MYL4: variants seen among roughly 807,000 people sequenced by gnomAD.
The protein encoded by MYL4 is myosin light chain 4.
A neutral mutation model predicts 21.6 loss-of-function variants in MYL4; 16 were observed. The observed-to-expected ratio is 0.74, with a 90% confidence interval of 0.50 to 1.12. MYL4 has a LOEUF of 1.12. Ranked by LOEUF, MYL4 falls within the 50% of genes most tolerant of loss-of-function variation. The probability of loss-of-function intolerance (pLI) is 0.00; values close to 1 mark genes in which losing one functional copy is unlikely to be tolerated. For synonymous variants in MYL4, 82 were observed against 95.7 expected (o/e 0.86, Z 0.83); for missense variants, 249 against 252.9 (o/e 0.98, Z 0.11).
chr17:47,196,857 A>G (rs1009845724), upstream of MYL4, among the ~76,000 whole-genome samples: 30 of 152,104 alleles, frequency 2.0e-4, no homozygotes, highest in African/African-American at 7.2e-4. Flanking sequence ...TGCCCTGCAC[A>G]AATATTATAA....
At position 47,221,811 on chromosome 17, in the gene MYL4, G is replaced by T; in HGVS notation, c.443G>T (p.Gly148Val). ...CGTGTCTTTGACAAGGAGAGCAATG[G>T]CACGGTCATGGGTGCTGAGCTTCGG... Reference protein sequence around the residue: ...GLRVFDKESNGTVMGAELRHV... With the variant: ...GLRVFDKESNVTVMGAELRHV... The change falls in exon 4 of 7, where the codon GGC becomes GTC. Residue 148 changes from glycine to valine, a missense_variant. Transcript: ENST00000393450. The T allele has an allele frequency of 6.2e-7, 1 of 1,614,150 alleles. No individual in the cohort carries two copies.
chr17:47,222,193 C>T lies in MYL4; in HGVS notation c.488-187C>T, dbSNP rs745558663. 12 of 633,244 alleles carry T rather than the reference C, an allele frequency of 1.9e-5. No individual in the cohort carries two copies. The Admixed American group carries it at 1.9e-4, about 10-fold the overall frequency. The allele number at this position is 633,244 out of a possible 1,614,324, so 39.2% of individuals were successfully genotyped here. The stretch of plus-strand genomic sequence containing the variant: ...AGCTGTAAGGCAGAGGGGGAGGCTT[C>T]GGAGACTAGGCAAGACCTTTAGACC... On this transcript the variant is annotated intron_variant, in intron 4 of 6. Coordinates refer to ENST00000393450, the MANE Select transcript of MYL4 (RefSeq NM_002476.2).
chr17:47,226,006 A>G (rs1467282834), downstream of MYL4, among the ~76,000 whole-genome samples: 1 of 152,058 alleles, frequency 6.6e-6, no homozygotes, highest in African/African-American at 2.4e-5. Context: ...CCTGATAGGT[A>G]GTTTTTTGAT....
upstream of MYL4, among the ~76,000 whole-genome samples, chr17:47,199,139 G>T (rs2064700190): frequency 6.6e-6 from 1 of 151,784 alleles, no homozygotes; most frequent in African/African-American, 2.4e-5. Context: ...TACTTGGGAG[G>T]CTGAGGCAGG....
chr17:47,211,335 G>A (rs1344200389), intron 1 of MYL4, among the ~76,000 whole-genome samples: 3 of 151,900 alleles, frequency 2.0e-5, no homozygotes, highest in Non-Finnish European at 4.4e-5. Flanking sequence ...GTAATTTGAG[G>A]CCAGGCATTT....
chr17:47,191,208 G>T, the MYL4 span, among the ~76,000 whole-genome samples: 1 of 152,332 alleles, frequency 6.6e-6, no homozygotes, highest in Admixed American at 6.5e-5. Flanking sequence ...CTTCTTAATG[G>T]GAAGAGTGGC....
intron 1 of MYL4, among the ~76,000 whole-genome samples, chr17:47,211,023 G>A (rs1166984961): frequency 6.6e-6 from 1 of 151,996 alleles, no homozygotes; most frequent in African/African-American, 2.4e-5. Context: ...GCATCAAACT[G>A]GTGTCCTTCC....
At chr17:47,198,977 G>C, upstream of MYL4, among the ~76,000 whole-genome samples, 1 of 151,840 alleles carries the variant, frequency 6.6e-6, no homozygotes, top group Non-Finnish European at 1.5e-5. Flanking sequence ...GCTCTCACCT[G>C]TAATCCCAGC....
chr17:47,189,895 A>G, the MYL4 span, among the ~76,000 whole-genome samples: 1 of 152,324 alleles, frequency 6.6e-6, no homozygotes, highest in East Asian at 1.9e-4. Context: ...AGAGAACGCT[A>G]TATTATATGG....
At chr17:47,200,998 C>CCTGTCTCTA (rs1277156607) in intron 1 of MYL4, among the ~76,000 whole-genome samples, 1 of 152,092 alleles carries the variant, frequency 6.6e-6, no homozygotes, top group East Asian at 1.9e-4. Flanking sequence ...ATGGTGAAAC[C>CCTGTCTCTA]CTGTCTCTAC....
At chr17:47,218,956 A>C (rs2064834611) in intron 2 of MYL4, among the ~76,000 whole-genome samples, 1 of 152,170 alleles carries the variant, frequency 6.6e-6, no homozygotes, top group Non-Finnish European at 1.5e-5. Flanking sequence ...AGAACTAGGA[A>C]ACAGCTGTAA....
chr17:47,218,134 T>C (rs924290403), intron 2 of MYL4, among the ~76,000 whole-genome samples: 22 of 152,190 alleles, frequency 1.4e-4, no homozygotes, highest in Non-Finnish European at 1.5e-4. Flanking sequence ...AATATTTATT[T>C]GTCCAAAGTC....
At chr17:47,214,598 A>G (rs2064800553) in intron 2 of MYL4, among the ~76,000 whole-genome samples, 1 of 152,260 alleles carries the variant, frequency 6.6e-6, no homozygotes. Context: ...ACATGGTAAA[A>G]CAAAAAAGCA....
At chr17:47,210,451 C>G (rs989699257) in intron 1 of MYL4, among the ~76,000 whole-genome samples, 3 of 152,076 alleles carry the variant, frequency 2.0e-5, no homozygotes, top group African/African-American at 7.2e-5. Context: ...GCCTTGGCAC[C>G]AGAGTGGAAA....
At chr17:47,203,701 G>A (rs1380735177) in intron 1 of MYL4, among the ~76,000 whole-genome samples, 8 of 152,008 alleles carry the variant, frequency 5.3e-5, no homozygotes, top group African/African-American at 1.5e-4. Flanking sequence ...GTATCCTTTC[G>A]GATGAGTTGT....
At chr17:47,222,694 T>G (rs2064866058) in intron 5 of MYL4, among the ~76,000 whole-genome samples, 1 of 152,158 alleles carries the variant, frequency 6.6e-6, no homozygotes, top group East Asian at 1.9e-4. Flanking sequence ...GTCACTGATT[T>G]TCTCTGAGCC....
upstream of MYL4, among the ~76,000 whole-genome samples, chr17:47,198,185 G>A (rs1309538266): frequency 1.3e-5 from 2 of 152,110 alleles, no homozygotes; most frequent in East Asian, 1.9e-4. Flanking sequence ...GATCTTAGAT[G>A]GTTGAATCTG....
intron 2 of MYL4, among the ~76,000 whole-genome samples, chr17:47,215,433 A>C (rs1455524362): frequency 1.3e-5 from 2 of 152,154 alleles, no homozygotes; most frequent in African/African-American, 4.8e-5. Flanking sequence ...CTTCTGTTGA[A>C]TCAGAATTGT....
At chr17:47,192,756 G>A in the MYL4 span, among the ~76,000 whole-genome samples, 1 of 152,064 alleles carries the variant, frequency 6.6e-6, no homozygotes, top group African/African-American at 2.4e-5. Context: ...GTACTTTGAT[G>A]GGGTATTTTG....
Sources: gnomAD v4.1 joint callset for allele counts (sites outside exome capture counted in the v4.1 genomes callset) on GRCh38, gnomAD v4.1.1 for gene constraint, MANE v1.5 for transcripts, NCBI Gene and HGNC (gene_info 2026-07-23, HGNC 2026-07-21) for gene names.